MAFG: variants seen among roughly 807,000 people sequenced by gnomAD.
MAFG encodes the protein MAF bZIP transcription factor G, also known as transcription factor MafG.
Under a neutral mutation model 12.2 loss-of-function variants are expected in MAFG, and 3 were observed. That is an observed-to-expected ratio of 0.25 (90% CI 0.11 to 0.64). The LOEUF is 0.64. MAFG is among the 30% of genes least tolerant of loss of function. The pLI is 0.85. For missense variants in MAFG, 153 were observed against 235.5 expected (o/e 0.65, Z 2.29); for synonymous variants, 126 against 109.1 (o/e 1.15, Z -0.96).
At chr17:81,931,174 A>G (rs922810207), upstream of MAFG, among the ~76,000 whole-genome samples, 24 of 152,114 alleles carry the variant, frequency 1.6e-4, no homozygotes, top group African/African-American at 5.8e-4. Flanking sequence ...TGCTGAAGCA[A>G]ACGCCTCCTT....
intron 1 of MAFG, among the ~76,000 whole-genome samples, chr17:81,927,098 G>A (rs2040947089): frequency 1.3e-5 from 2 of 150,868 alleles, no homozygotes; most frequent in Non-Finnish European, 3.0e-5. Flanking sequence ...CCCCCGCGCC[G>A]GGGAGAGCTG....
At chr17:81,923,106 G>A (rs770370091) in intron 2 of MAFG, 44 bp downstream of exon 2, 3 of 1,610,952 alleles carry the variant, frequency 1.9e-6, no homozygotes, top group Non-Finnish European at 2.5e-6. Flanking sequence ...CGCCCACTGT[G>A]CCCCCCGACC....
intron 1 of MAFG, 37 bp downstream of exon 1, chr17:81,927,491 C>G (rs1236791474): frequency 4.1e-5 from 6 of 147,116 alleles, no homozygotes; most frequent in African/African-American, 1.5e-4. Context: ...GCCGCGCCGC[C>G]CCCACCGCCC....
At position 81,922,887 on chromosome 17, in the gene MAFG, G is replaced by A. The variant is rs766058581; in HGVS notation, c.207C>T (p.Arg69=). The A allele has an allele frequency of 8.1e-6, 13 of 1,610,830 alleles. No homozygotes were observed. Among genetic ancestry groups the A allele is most frequent in the South Asian group, 5.5e-5 (5 of 90,598 alleles). ...LKNRGYAASC[R]VKRVTQKEEL... is the part of the protein sequence containing the mutation. ...CCTCCTTCTGCGTCACCCGCTTCACGCGGCAGCTGGCAGCGTAGCCGCGGT... is the reference window on the plus strand; with the variant it reads ...CCTCCTTCTGCGTCACCCGCTTCACACGGCAGCTGGCAGCGTAGCCGCGGT... The change falls in exon 3 of 3, where the codon CGC becomes CGT. Residue 69 remains arginine, a synonymous_variant. Transcript: ENST00000357736.
intron 2 of MAFG, 45 bp from the exon 3 acceptor site, chr17:81,923,102 C>T: frequency 1.2e-6 from 2 of 1,610,726 alleles, no homozygotes; most frequent in South Asian, 2.2e-5. Context: ...GGCACGCCCA[C>T]TGTGCCCCCC....
intron 1 of MAFG, chr17:81,923,524 A>C: frequency 1.6e-5 from 4 of 251,914 alleles, no homozygotes; most frequent in East Asian, 8.6e-5. Flanking sequence ...TAGAAGGAAT[A>C]AGACGCGGGA....
At chr17:81,923,890 C>T (rs1298890069) in intron 1 of MAFG, among the ~76,000 whole-genome samples, 1 of 152,222 alleles carries the variant, frequency 6.6e-6, no homozygotes, top group Non-Finnish European at 1.5e-5. Context: ...CTCCCAGCCT[C>T]CTAACTTTGA....
In MAFG at chr17:81,923,264, C is replaced by CG. The variant is rs960747029; in HGVS notation, c.-29-51_-29-50insC. ...ACCCTGGAGACCACCCTCGCCGCACCCCCCCCCCCCCGCCCCCGGCCCAGT... is the reference window on the plus strand; with the variant it reads ...ACCCTGGAGACCACCCTCGCCGCACCGCCCCCCCCCCCGCCCCCGGCCCAGT... On this transcript the variant is annotated intron_variant, in intron 1 of 2. Transcript: ENST00000357736. 1,497 of 605,722 alleles carry CG rather than the reference C, an allele frequency of 2.5e-3. 51 individuals carry two copies. In the African/African-American group the frequency reaches 0.039, roughly 16 times the overall value. The allele number at this position is 605,722 out of a possible 1,614,324, so 37.5% of individuals were successfully genotyped here.
chr17:81,923,418 T>G, intron 1 of MAFG: 9 of 424,254 alleles, frequency 2.1e-5, no homozygotes, highest in East Asian at 4.1e-5. Context: ...ACCCTGCCCC[T>G]AGAGAACCAG....
At position 81,920,612 on chromosome 17, in the gene MAFG, C is replaced by T. The variant is rs137980505; in HGVS notation, c.*1993G>A. ...AGCCAGGAAGGGCAGCAGCCTCTGGCGAGGAACTGAGAGCAGGAGGCAGGC... is the reference window on the plus strand; with the variant it reads ...AGCCAGGAAGGGCAGCAGCCTCTGGTGAGGAACTGAGAGCAGGAGGCAGGC... On this transcript the variant is annotated 3_prime_UTR_variant, in exon 3 of 3. Transcript: ENST00000357736. The T allele has an allele frequency of 6.6e-6, 1 of 152,384 alleles. No homozygotes were observed. The highest frequency in any genetic ancestry group is 2.4e-5 in the African/African-American group (1 of 41,562). 9.4% of individuals were successfully genotyped at this position (152,384 alleles called of 1,614,324 possible). A position where few individuals can be genotyped will look rare whatever the true frequency, so the allele number is the denominator to read the frequency against.
In MAFG at chr17:81,919,834, C is replaced by G. The variant is rs1444541270; in HGVS notation, c.*2771G>C. On this transcript the variant is annotated 3_prime_UTR_variant, in exon 3 of 3. Coordinates refer to ENST00000357736, the MANE Select transcript of MAFG (RefSeq NM_002359.4). Reference sequence around the variant, plus strand: ...TGACCTGACAGGGGACAGGAACACTCCCCTAGACCCAGGGAAGTCGCCCCA... The same window carrying G: ...TGACCTGACAGGGGACAGGAACACTGCCCTAGACCCAGGGAAGTCGCCCCA... 1.3e-5 allele frequency: 2 copies of G among 152,230 alleles called. No homozygotes were observed. The highest frequency in any genetic ancestry group is 6.5e-5 in the Admixed American group (1 of 15,284). The allele number at this position is 152,230 out of a possible 1,614,324, so 9.4% of individuals were successfully genotyped here. A position where few individuals can be genotyped will look rare whatever the true frequency, so the allele number is the denominator to read the frequency against.
In MAFG at chr17:81,921,704, T is replaced by C. The variant is rs2040891457; in HGVS notation, c.*901A>G. On this transcript the variant is annotated 3_prime_UTR_variant, in exon 3 of 3. Transcript: ENST00000357736. ...ATTTTTTTTCTTTTTTTTTCTTTTTTTTTTAACTAGCAAAGTTTCTATTAT... is the reference window on the plus strand; with the variant it reads ...ATTTTTTTTCTTTTTTTTTCTTTTTCTTTTAACTAGCAAAGTTTCTATTAT... 6.6e-6 allele frequency: 1 copy of C among 151,984 alleles called. No individual in the cohort carries two copies. Among genetic ancestry groups the C allele is most frequent in the Non-Finnish European group, 1.5e-5 (1 of 68,022 alleles). The allele number at this position is 151,984 out of a possible 1,614,324, so 9.4% of individuals were successfully genotyped here.
Position 81,920,943 on chromosome 17 carries a change from C to A in MAFG, c.*1662G>T, listed in dbSNP as rs2040883252. 1 of 152,406 alleles carries A rather than the reference C, an allele frequency of 6.6e-6. No homozygotes were observed. Among genetic ancestry groups the A allele is most frequent in the Admixed American group, 6.5e-5 (1 of 15,292 alleles). The allele number at this position is 152,406 out of a possible 1,614,324, so 9.4% of individuals were successfully genotyped here. Reference sequence around the variant, plus strand: ...CTCAGGGATCAAGCGGGCGGCGAGACCTGCAGCCCACGGCGCGGGCAGCCT... The same window carrying A: ...CTCAGGGATCAAGCGGGCGGCGAGAACTGCAGCCCACGGCGCGGGCAGCCT... On this transcript the variant is annotated 3_prime_UTR_variant, in exon 3 of 3. Coordinates refer to ENST00000357736, the MANE Select transcript of MAFG (RefSeq NM_002359.4).
At chr17:81,923,260 G>GCCCCCCCCCC (rs1418757108) in intron 1 of MAFG, 46 bp from the exon 2 acceptor site, 3 of 428,374 alleles carry the variant, frequency 7.0e-6, no homozygotes, top group Admixed American at 1.2e-4. Context: ...CACCCTCGCC[G>GCCCCCCCCCC]CACCCCCCCC....
intron 2 of MAFG, 22 bp downstream of exon 2, chr17:81,923,128 G>T: frequency 6.2e-7 from 1 of 1,611,930 alleles, no homozygotes; most frequent in South Asian, 1.1e-5. Context: ...CAGCCCACAG[G>T]CTCCTGTCCC....
In MAFG at chr17:81,923,041, C is replaced by T; in HGVS notation, c.53G>A (p.Gly18Asp). 6.3e-7 allele frequency: 1 copy of T among 1,599,090 alleles called. No individual in the cohort carries two copies. Among genetic ancestry groups the T allele is most frequent in the Non-Finnish European group, 8.5e-7 (1 of 1,172,566 alleles). The change falls in exon 3 of 3, where the codon GGT becomes GAT. Residue 18 changes from glycine to aspartate, a missense_variant. By Grantham distance (94) the Gly-to-Asp change is moderately conservative (BLOSUM62 -1). Around this residue, in one of 3 missense-constraint regions of MAFG, gnomAD observed 43 missense variants for 65.6 expected, o/e 0.66. Coordinates refer to ENST00000357736, the MANE Select transcript of MAFG (RefSeq NM_002359.4). ...NKALKVKREP[G>D]ENGTSLTDEE... ...ATCCGTCAGGCTGGTGCCATTCTCACCCGGCTCCCGCTTCACCTGGGGCAC... is the reference window on the plus strand; with the variant it reads ...ATCCGTCAGGCTGGTGCCATTCTCATCCGGCTCCCGCTTCACCTGGGGCAC...
At chr17:81,923,923 T>C (rs1020337662) in intron 1 of MAFG, among the ~76,000 whole-genome samples, 2 of 152,174 alleles carry the variant, frequency 1.3e-5, no homozygotes, top group African/African-American at 4.8e-5. Flanking sequence ...GGGCCGTCCA[T>C]CTAGCTCTGG....
At position 81,922,761 on chromosome 17, in the gene MAFG, G is replaced by A. The variant is rs143241856; in HGVS notation, c.333C>T (p.Tyr111=). The change falls in exon 3 of 3, where the codon TAC becomes TAT. Residue 111 remains tyrosine, a synonymous_variant. Transcript: ENST00000357736. ...TCCGGGCGAAGGTCTGCAGCGCCTCGTACTTGGAGCGCAGCGCGTCGAGCT... is the reference window on the plus strand; with the variant it reads ...TCCGGGCGAAGGTCTGCAGCGCCTCATACTTGGAGCGCAGCGCGTCGAGCT... ...KLELDALRSK[Y]EALQTFARTV... 2.9e-4 allele frequency: 464 copies of A among 1,593,358 alleles called. 1 individual carries two copies. Among genetic ancestry groups the A allele is most frequent in the Non-Finnish European group, 2.9e-4 (336 of 1,169,892 alleles).
At chr17:81,923,453 G>C (rs573131501) in intron 1 of MAFG, 92 of 422,054 alleles carry the variant, frequency 2.2e-4, no homozygotes, top group African/African-American at 1.9e-3. Flanking sequence ...AGGTCTGACG[G>C]GAGAAGGGGA....
Sources: allele counts gnomAD v4.1 joint callset (sites outside exome capture counted in the v4.1 genomes callset), GRCh38; gene constraint gnomAD v4.1.1; regional missense constraint gnomAD v4.1.1; transcripts MANE v1.5; gene names NCBI Gene and HGNC (gene_info 2026-07-23, HGNC 2026-07-21).